OXR1: variants seen among roughly 807,000 people sequenced by gnomAD.
OXR1 encodes the protein oxidation resistance protein 1.
OXR1 carries 41 observed loss-of-function variants against 104.6 expected under a neutral mutation model. The observed-to-expected ratio is 0.39, with a 90% CI of 0.31 to 0.51. The LOEUF (loss-of-function observed/expected upper bound fraction) is 0.51. Ranked by LOEUF, OXR1 falls within the 20% of genes least tolerant of loss-of-function variation. OXR1 has a pLI of 0.77. For missense variants in OXR1, 955 were observed against 1,031.9 expected, an observed-to-expected ratio of 0.93 and a Z score of 1.02; for synonymous variants, 348 against 348.4, an observed-to-expected ratio of 1.00 and a Z score of 0.01.
At chr8:106,272,766 C>A (rs956336288) in intron 1 of OXR1, 1 of 152,154 alleles carries the variant, frequency 6.6e-6, no homozygotes, top group African/African-American at 2.4e-5. Context: ...AAAAAGACTT[C>A]TGCTGTCATT....
At chr8:106,440,071 T>C (rs16874645) in intron 2 of OXR1, among the ~76,000 whole-genome samples, 33,791 of 152,066 alleles carry the variant, frequency 0.22, 5,147 homozygotes, top group East Asian at 0.42. Context: ...TGGAAAAAAG[T>C]CTGCTCCATA....
intron 1 of OXR1, among the ~76,000 whole-genome samples, chr8:106,304,747 A>G (rs775328823): frequency 2.6e-5 from 4 of 152,166 alleles, no homozygotes; most frequent in Non-Finnish European, 4.4e-5. Flanking sequence ...AGGGCTCAGT[A>G]GCCACATATG....
chr8:106,722,197 C>T (rs1385339451), intron 11 of OXR1, among the ~76,000 whole-genome samples: 2 of 152,090 alleles, frequency 1.3e-5, no homozygotes, highest in Non-Finnish European at 2.9e-5. Flanking sequence ...GCACAAAACC[C>T]TCATGATCTC....
At chr8:106,471,343 A>C (rs1164317513) in intron 2 of OXR1, among the ~76,000 whole-genome samples, 1 of 151,656 alleles carries the variant, frequency 6.6e-6, no homozygotes, top group Non-Finnish European at 1.5e-5. Context: ...TTGCTTAGAG[A>C]GTTTTTCATC....
At chr8:106,582,151 A>G (rs565964876) in intron 3 of OXR1, among the ~76,000 whole-genome samples, 15 of 140,654 alleles carry the variant, frequency 1.1e-4, no homozygotes, top group Admixed American at 2.1e-4. Flanking sequence ...TTTAAAAAAC[A>G]AGCAAGACAG....
intron 3 of OXR1, among the ~76,000 whole-genome samples, chr8:106,650,554 C>T (rs1824480326): frequency 6.6e-6 from 1 of 152,162 alleles, no homozygotes; most frequent in Non-Finnish European, 1.5e-5. Flanking sequence ...CAAGCTCCTA[C>T]AAGATAGAAT....
At chr8:106,270,658 G>T (rs1285471930) in intron 1 of OXR1, among the ~76,000 whole-genome samples, 1 of 152,120 alleles carries the variant, frequency 6.6e-6, no homozygotes, top group Middle Eastern at 3.2e-3. Flanking sequence ...GGCGGCGAGG[G>T]AGGAGACCGG....
At chr8:106,498,304 G>A (rs959290534) in intron 2 of OXR1, among the ~76,000 whole-genome samples, 7 of 152,030 alleles carry the variant, frequency 4.6e-5, no homozygotes, top group Non-Finnish European at 1.0e-4. Flanking sequence ...ATCTATACAT[G>A]GAGTATTCCT....
chr8:106,716,171 C>T (rs893177778), intron 11 of OXR1, among the ~76,000 whole-genome samples: 1 of 152,124 alleles, frequency 6.6e-6, no homozygotes, highest in Non-Finnish European at 1.5e-5. Flanking sequence ...CTAAATCAGT[C>T]TAAATCTAAT....
rs1563726121 is a variant in OXR1, at chr8:106,339,522, ATATATATATATATAT to A, written c.-138-19953_-138-19939del. 5.6e-3 allele frequency among the ~76,000 whole-genome samples: 109 copies of A among 19,296 alleles called. 1 individual carries two copies. Among genetic ancestry groups the A allele is most frequent in the Non-Finnish European group, 7.7e-3 (84 of 10,942 alleles). 12.7% of individuals were successfully genotyped at this position (19,296 alleles called of 152,430 possible). On this transcript the variant is annotated intron_variant, in intron 1 of 16. Transcript: ENST00000517566. ...AAAAAAAAAAAAAAAAAAAAAAAAT[ATATATATATATATAT>A]ATATATATATATATATATAAAACGA...
At chr8:106,701,200 C>T (rs1830558420) in intron 7 of OXR1, among the ~76,000 whole-genome samples, 1 of 152,114 alleles carries the variant, frequency 6.6e-6, no homozygotes, top group African/African-American at 2.4e-5. Context: ...GGTCCACGTC[C>T]TCAACTAAAA....
At chr8:106,512,665 A>C (rs1812613464) in intron 2 of OXR1, among the ~76,000 whole-genome samples, 1 of 152,050 alleles carries the variant, frequency 6.6e-6, no homozygotes, top group Non-Finnish European at 1.5e-5. Flanking sequence ...CCAGATTACA[A>C]AACTATTAAG....
chr8:106,739,312 G>T (rs1834707154), intron 12 of OXR1, 146 bp from the exon 13 acceptor site: 2 of 647,460 alleles, frequency 3.1e-6, no homozygotes, highest in Non-Finnish European at 5.3e-6. Context: ...ATTAGATATG[G>T]GCCATCTTTT....
chr8:106,455,573 C>G (rs2130630441), intron 2 of OXR1, among the ~76,000 whole-genome samples: 1 of 152,206 alleles, frequency 6.6e-6, no homozygotes, highest in Non-Finnish European at 1.5e-5. Flanking sequence ...ATGAGTCATT[C>G]TATTTATAGA....
intron 3 of OXR1, among the ~76,000 whole-genome samples, chr8:106,586,092 G>C (rs1818608279): frequency 6.6e-6 from 1 of 152,168 alleles, no homozygotes; most frequent in South Asian, 2.1e-4. Flanking sequence ...CATTTTGAGA[G>C]ACTTGTTCTA....
At chr8:106,445,230 C>T (rs1429467404) in intron 2 of OXR1, among the ~76,000 whole-genome samples, 4 of 152,102 alleles carry the variant, frequency 2.6e-5, no homozygotes, top group South Asian at 2.1e-4. Flanking sequence ...ACTAGTGATA[C>T]GTTTGCAGTC....
At chr8:106,558,797 A>G (rs901518568) in intron 3 of OXR1, among the ~76,000 whole-genome samples, 2 of 152,170 alleles carry the variant, frequency 1.3e-5, no homozygotes, top group African/African-American at 4.8e-5. Flanking sequence ...TAGCATTGGT[A>G]TTCCCTATAT....
intron 3 of OXR1, among the ~76,000 whole-genome samples, chr8:106,612,595 TAAG>T (rs1462455023): frequency 6.6e-6 from 1 of 152,178 alleles, no homozygotes; most frequent in African/African-American, 2.4e-5. Context: ...GTCAGATAGT[TAAG>T]AAAATCTTTG....
intron 1 of OXR1, among the ~76,000 whole-genome samples, chr8:106,313,438 C>G (rs557368377): frequency 6.6e-6 from 1 of 152,216 alleles, no homozygotes; most frequent in East Asian, 1.9e-4. Flanking sequence ...ATGAAGCACA[C>G]TGTTTTCCAT....
Sources: gnomAD v4.1 joint callset for allele counts (sites outside exome capture counted in the v4.1 genomes callset) on GRCh38, gnomAD v4.1.1 for gene constraint, MANE v1.5 for transcripts, NCBI Gene and HGNC (gene_info 2026-07-23, HGNC 2026-07-21) for gene names.